The following UNC5D variants were observed in gnomAD, a reference collection of about 807,000 sequenced individuals.
The protein encoded by UNC5D is unc-5 netrin receptor D.
UNC5D carries 39 observed loss-of-function variants against 105.4 expected under a neutral mutation model. The observed-to-expected ratio is 0.37, with a 90% CI of 0.29 to 0.48. The LOEUF is 0.48. UNC5D is among the 20% of genes least tolerant of loss of function. UNC5D has a pLI of 0.98. For synonymous variants in UNC5D, 452 were observed against 450.4 expected (o/e 1.00, Z -0.04); for missense variants, 991 against 1,202.4 (o/e 0.82, Z 2.60).
chr8:35,472,163 G>A (rs1258135386), intron 1 of UNC5D, among the ~76,000 whole-genome samples: 2 of 152,142 alleles, frequency 1.3e-5, no homozygotes, highest in African/African-American at 4.8e-5. Context: ...TTTAGAAAAG[G>A]AGATCTCATC....
At chr8:35,530,956 G>A (rs1387855384) in intron 1 of UNC5D, among the ~76,000 whole-genome samples, 1 of 147,124 alleles carries the variant, frequency 6.8e-6, no homozygotes, top group East Asian at 2.0e-4. Context: ...TATTAGTCTT[G>A]CTAGTGGTCT....
chr8:35,544,261 C>A, intron 1 of UNC5D: 1 of 1,065,734 alleles, frequency 9.4e-7, no homozygotes, highest in Non-Finnish European at 1.3e-6. Context: ...AAGGCTCTTT[C>A]CTGAACAGCT....
chr8:35,299,268 T>C (rs1427663867), intron 1 of UNC5D, among the ~76,000 whole-genome samples: 1 of 152,148 alleles, frequency 6.6e-6, no homozygotes, highest in South Asian at 2.1e-4. Context: ...ACTGGCAACG[T>C]TGGAAACTGA....
intron 15 of UNC5D, among the ~76,000 whole-genome samples, chr8:35,768,684 C>T (rs1256654585): frequency 4.6e-5 from 7 of 152,144 alleles, no homozygotes. Context: ...TTGCTCCTTG[C>T]TTAATAAATT....
chr8:35,605,998 T>C (rs1210690945), intron 4 of UNC5D, among the ~76,000 whole-genome samples: 1 of 151,890 alleles, frequency 6.6e-6, no homozygotes, highest in Non-Finnish European at 1.5e-5. Flanking sequence ...ATTTTTTATT[T>C]TTTTTTTGAG....
At chr8:35,639,858 C>T (rs1441354470) in intron 4 of UNC5D, among the ~76,000 whole-genome samples, 3 of 151,912 alleles carry the variant, frequency 2.0e-5, no homozygotes, top group Non-Finnish European at 2.9e-5. Context: ...AATCCTTCCA[C>T]CTATAGGCAT....
intron 2 of UNC5D, among the ~76,000 whole-genome samples, chr8:35,556,375 C>T (rs1476968254): frequency 6.6e-6 from 1 of 152,052 alleles, no homozygotes; most frequent in African/African-American, 2.4e-5. Flanking sequence ...TCATTCAGGT[C>T]GCATTGTGTG....
intron 1 of UNC5D, among the ~76,000 whole-genome samples, chr8:35,287,798 T>C (rs1266079231): frequency 2.0e-5 from 3 of 151,928 alleles, no homozygotes; most frequent in Non-Finnish European, 4.4e-5. Flanking sequence ...AGTGAGACCC[T>C]GTCTCAAAAA....
chr8:35,352,186 T>G (rs1263140700), intron 1 of UNC5D, among the ~76,000 whole-genome samples: 1 of 152,104 alleles, frequency 6.6e-6, no homozygotes, highest in East Asian at 1.9e-4. Context: ...CACAGAGGTA[T>G]GATTCTATAT....
chr8:35,303,194 T>A (rs1808089399), intron 1 of UNC5D, among the ~76,000 whole-genome samples: 2 of 152,146 alleles, frequency 1.3e-5, no homozygotes, highest in African/African-American at 4.8e-5. Context: ...GGATGCTAAA[T>A]TTTCACTGGA....
chr8:35,258,116 G>A (rs950532585), intron 1 of UNC5D, among the ~76,000 whole-genome samples: 1 of 152,154 alleles, frequency 6.6e-6, no homozygotes, highest in Non-Finnish European at 1.5e-5. Context: ...TAGGAGGGCT[G>A]CTCTCTGCTT....
intron 3 of UNC5D, among the ~76,000 whole-genome samples, chr8:35,579,022 C>T (rs1042144673): frequency 6.6e-5 from 10 of 152,144 alleles, no homozygotes; most frequent in African/African-American, 2.4e-4. Flanking sequence ...TTAAAAGTTC[C>T]TGGAAGATGG....
In UNC5D at chr8:35,750,728, G is replaced by A. The variant is rs199531607; in HGVS notation, c.2082G>A (p.Ala694=). 127 of 1,614,114 alleles carry A rather than the reference G, an allele frequency of 7.9e-5. No homozygotes were observed. Among genetic ancestry groups the A allele is most frequent in the East Asian group, 6.2e-4 (28 of 44,854 alleles). The change falls in exon 13 of 17, where the codon GCG becomes GCA. Residue 694 remains alanine (A), a synonymous_variant. Transcript: ENST00000404895. ...GTGCCGTGAAGCAACTGAAGGTGGC[G>A]GTTTTTGGCTGCATGTCCTGTAACT... is the stretch of plus-strand genomic sequence containing the variant. ...TDCAVKQLKV[A]VFGCMSCNSL... is the part of the protein sequence containing the mutation.
intron 1 of UNC5D, among the ~76,000 whole-genome samples, chr8:35,313,974 G>A (rs369813362): frequency 3.3e-5 from 5 of 152,198 alleles, no homozygotes; most frequent in Admixed American, 2.0e-4. Context: ...TTCATTGAGC[G>A]CAAGAAAGGT....
intron 1 of UNC5D, among the ~76,000 whole-genome samples, chr8:35,460,948 G>C (rs1808843007): frequency 6.6e-6 from 1 of 152,208 alleles, no homozygotes; most frequent in Non-Finnish European, 1.5e-5. Flanking sequence ...AACAGGGCAT[G>C]TGATCAGGGC....
chr8:35,536,315 A>C (rs928982229), intron 1 of UNC5D, among the ~76,000 whole-genome samples: 1 of 152,208 alleles, frequency 6.6e-6, no homozygotes, highest in African/African-American at 2.4e-5. Flanking sequence ...AGCAGGCTCA[A>C]CTCAATCTGT....
In UNC5D at chr8:35,509,996, G is replaced by A. The variant is rs147173820; in HGVS notation, c.104-39296G>A. ...ATGGCCATGATATGGGGGAGGGGCTGCAGAGCTTTCGTGCCCTCTTTGGGT... is the reference window on the plus strand; with the variant it reads ...ATGGCCATGATATGGGGGAGGGGCTACAGAGCTTTCGTGCCCTCTTTGGGT... On this transcript the variant is annotated intron_variant, in intron 1 of 16. Transcript: ENST00000404895. Among the ~76,000 whole-genome samples, 78 of 152,318 alleles carry A rather than the reference G, an allele frequency of 5.1e-4. 1 individual carries two copies. In the East Asian group the frequency reaches 0.013, roughly 26 times the overall value.
chr8:35,349,707 A>AT, intron 1 of UNC5D, among the ~76,000 whole-genome samples: 1 of 152,016 alleles, frequency 6.6e-6, no homozygotes, highest in Non-Finnish European at 1.5e-5. Context: ...TTTAGTTTAT[A>AT]ACTCAGTCAC....
intron 1 of UNC5D, among the ~76,000 whole-genome samples, chr8:35,519,783 A>T (rs1342882107): frequency 1.3e-5 from 2 of 152,110 alleles, no homozygotes; most frequent in Admixed American, 6.5e-5. Context: ...AAAAGCAATC[A>T]GAAGAATATG....
Sources: gnomAD v4.1 joint callset for allele counts (sites outside exome capture counted in the v4.1 genomes callset) on GRCh38, gnomAD v4.1.1 for gene constraint, MANE v1.5 for transcripts, NCBI Gene and HGNC (gene_info 2026-07-23, HGNC 2026-07-21) for gene names.